Variants in DGKG observed in about 807,000 individuals in gnomAD.
The protein encoded by DGKG is DAG kinase gamma.
DGKG carries 78 observed loss-of-function variants against 105.3 expected under a neutral mutation model. That is an observed-to-expected ratio of 0.74 (90% CI 0.62 to 0.89). The LOEUF (loss-of-function observed/expected upper bound fraction) is 0.89, where lower values mean the gene tolerates loss of function less well. Ranked by LOEUF, DGKG falls within the 40% of genes least tolerant of loss-of-function variation. The pLI is 0.00. For synonymous variants in DGKG, 346 were observed against 367.1 expected (o/e 0.94, Z 0.66); for missense variants, 958 against 1,020.1 (o/e 0.94, Z 0.83).
chr3:186,352,396 G>A (rs1365519735), intron 1 of DGKG, among the ~76,000 whole-genome samples: 1 of 152,108 alleles, frequency 6.6e-6, no homozygotes, highest in Admixed American at 6.5e-5. Flanking sequence ...CTAGATACAT[G>A]GAAATAGACT....
chr3:186,303,299 C>G (rs1375618837), intron 3 of DGKG, among the ~76,000 whole-genome samples: 1 of 152,176 alleles, frequency 6.6e-6, no homozygotes, highest in Non-Finnish European at 1.5e-5. Context: ...GATGACCAAC[C>G]ACTATGAGGC....
At chr3:186,153,761 A>G (rs1715888291) in intron 24 of DGKG, among the ~76,000 whole-genome samples, 1 of 152,202 alleles carries the variant, frequency 6.6e-6, no homozygotes, top group South Asian at 2.1e-4. Context: ...GATAATGCCT[A>G]GTAAAATGGC....
intron 2 of DGKG, among the ~76,000 whole-genome samples, chr3:186,311,799 G>C (rs1355837943): frequency 6.6e-6 from 1 of 152,150 alleles, no homozygotes; most frequent in Non-Finnish European, 1.5e-5. Flanking sequence ...AGACCCCAAA[G>C]TTTATAGTCT....
Position 186,210,531 on chromosome 3 carries a change from C to A in DGKG, c.1917+1264G>T. 2.2e-6 allele frequency: 1 copy of A among 448,512 alleles called. No homozygotes were observed. Among genetic ancestry groups the A allele is most frequent in the Non-Finnish European group, 4.5e-6 (1 of 223,998 alleles). The allele number at this position is 448,512 out of a possible 1,614,324, so 27.8% of individuals were successfully genotyped here. A position where few individuals can be genotyped will look rare whatever the true frequency, so the allele number is the denominator to read the frequency against. Reference sequence around the variant, plus strand: ...GCGCCTCCCACCCTGGCGTTGGTAACCCAGCAACCGAAGAGGAGAGGCAGG... The same window carrying A: ...GCGCCTCCCACCCTGGCGTTGGTAAACCAGCAACCGAAGAGGAGAGGCAGG... On this transcript the variant is annotated intron_variant, in intron 21 of 24. Transcript: ENST00000265022. The surrounding 1 kb of genome is among the most constrained non-coding windows in gnomAD (Gnocchi z 5.2).
chr3:186,331,330 A>G (rs1725592673), intron 1 of DGKG, among the ~76,000 whole-genome samples: 1 of 152,230 alleles, frequency 6.6e-6, no homozygotes, highest in Non-Finnish European at 1.5e-5. Flanking sequence ...GCCTGATTTC[A>G]CAGATAACTG....
At chr3:186,314,463 T>C (rs1724715095) in intron 2 of DGKG, among the ~76,000 whole-genome samples, 1 of 152,166 alleles carries the variant, frequency 6.6e-6, no homozygotes, top group Non-Finnish European at 1.5e-5. Context: ...TTTCCCAACT[T>C]AAAAATTCTG....
intron 11 of DGKG, among the ~76,000 whole-genome samples, chr3:186,271,265 C>A (rs1722305024): frequency 6.6e-6 from 1 of 152,162 alleles, no homozygotes. Context: ...AACCTGGGAG[C>A]CATTCCCTAC....
intron 24 of DGKG, among the ~76,000 whole-genome samples, chr3:186,155,647 T>C (rs940903244): frequency 1.3e-5 from 2 of 152,244 alleles, no homozygotes; most frequent in Non-Finnish European, 2.9e-5. Context: ...CCTAGAAGTA[T>C]ATGAACAATT....
chr3:186,293,437 C>T (rs1057251451), intron 5 of DGKG, among the ~76,000 whole-genome samples: 1 of 152,178 alleles, frequency 6.6e-6, no homozygotes, highest in South Asian at 2.1e-4. Context: ...TATTCCAAGT[C>T]GCTGAAACAT....
chr3:186,177,211 G>A (rs1213284679), intron 22 of DGKG, among the ~76,000 whole-genome samples: 1 of 152,060 alleles, frequency 6.6e-6, no homozygotes, highest in Non-Finnish European at 1.5e-5. Context: ...ATTGCTCCCG[G>A]CTGAAAAAGC....
chr3:186,157,473 C>A (rs1261304866), intron 24 of DGKG, among the ~76,000 whole-genome samples: 1 of 152,062 alleles, frequency 6.6e-6, no homozygotes, highest in Non-Finnish European at 1.5e-5. Context: ...GTCTTCATTT[C>A]ATAAAATGGA....
chr3:186,245,946 T>G (rs921361041), intron 19 of DGKG, among the ~76,000 whole-genome samples: 2 of 151,446 alleles, frequency 1.3e-5, no homozygotes, highest in African/African-American at 4.9e-5. Flanking sequence ...AAAAAACAGA[T>G]GAAGTTAATA....
chr3:186,290,363 TG>T (rs910508101), intron 5 of DGKG, among the ~76,000 whole-genome samples: 7 of 152,230 alleles, frequency 4.6e-5, no homozygotes, highest in African/African-American at 1.4e-4. Context: ...AACAGGCCTT[TG>T]TACTGTGTAG....
Position 186,148,186 on chromosome 3 carries a change from G to A in DGKG, c.*1904C>T. 1.0e-6 allele frequency: 1 copy of A among 985,482 alleles called. No individual in the cohort carries two copies. The highest frequency in any genetic ancestry group is 1.2e-6 in the Non-Finnish European group (1 of 829,970). The allele number at this position is 985,482 out of a possible 1,614,324, so 61.0% of individuals were successfully genotyped here. A position where few individuals can be genotyped will look rare whatever the true frequency, so the allele number is the denominator to read the frequency against. On this transcript the variant is annotated 3_prime_UTR_variant, in exon 25 of 25. Transcript: ENST00000265022. ...ATGGCCTTGCCCTTGGGAAAGGATG[G>A]TAATGCTGGCACTTGCTGAATGAAG... is the stretch of plus-strand genomic sequence containing the variant.
intron 20 of DGKG, among the ~76,000 whole-genome samples, chr3:186,232,056 G>A (rs528093066): frequency 7.2e-5 from 11 of 152,318 alleles, no homozygotes; most frequent in South Asian, 2.1e-4. Flanking sequence ...ACCCAGAATC[G>A]TGTTGAAAGG....
chr3:186,279,327 T>G (rs1722725738), intron 9 of DGKG: 1 of 152,478 alleles, frequency 6.6e-6, no homozygotes, highest in Non-Finnish European at 1.5e-5. Flanking sequence ...TTTTGCTCCT[T>G]AGGGTCAGAA....
chr3:186,220,011 G>A (rs1009042060), intron 20 of DGKG, among the ~76,000 whole-genome samples: 2 of 152,220 alleles, frequency 1.3e-5, no homozygotes. Context: ...ATGTCTTAAT[G>A]TAAAATAGTA....
intron 7 of DGKG, among the ~76,000 whole-genome samples, chr3:186,282,704 C>T (rs1189725986): frequency 6.6e-6 from 1 of 151,776 alleles, no homozygotes; most frequent in African/African-American, 2.4e-5. Flanking sequence ...TTAGTAGAGA[C>T]GGGGTTTTGC....
intron 1 of DGKG, among the ~76,000 whole-genome samples, chr3:186,354,182 G>A (rs1259568277): frequency 6.6e-6 from 1 of 152,174 alleles, no homozygotes; most frequent in Non-Finnish European, 1.5e-5. Context: ...GCTGGAAAGA[G>A]CTTTCTCTAG....
Sources: allele counts gnomAD v4.1 joint callset (sites outside exome capture counted in the v4.1 genomes callset), GRCh38; gene constraint gnomAD v4.1.1; non-coding constraint Gnocchi (gnomAD v3.1); transcripts MANE v1.5; gene names NCBI Gene and HGNC (gene_info 2026-07-23, HGNC 2026-07-21).